The following CAPN9 variants were observed in gnomAD, a reference collection of about 807,000 sequenced individuals.
The protein encoded by CAPN9 is calpain-9.
A neutral mutation model predicts 92.8 loss-of-function variants in CAPN9; 81 were observed. The ratio of observed to expected loss-of-function variants is 0.87; its 90% CI spans 0.73 to 1.05. CAPN9 has a LOEUF of 1.05. Among genes scored for constraint, CAPN9 ranks in the 50% least tolerant of loss-of-function variants. CAPN9 has a pLI of 0.00. For missense variants in CAPN9, 848 were observed against 866.2 expected, an observed-to-expected ratio of 0.98 and a Z score of 0.26; for synonymous variants, 304 against 328.0, an observed-to-expected ratio of 0.93 and a Z score of 0.79.
intron 17 of CAPN9, among the ~76,000 whole-genome samples, chr1:230,794,890 C>A (rs1668246481): frequency 6.6e-6 from 1 of 152,198 alleles, no homozygotes; most frequent in South Asian, 2.1e-4. Context: ...ATTAAGATCA[C>A]AAACTCGCTA....
At chr1:230,779,226 C>G (rs1667045292) in intron 9 of CAPN9, 93 bp downstream of exon 9, 4 of 1,195,594 alleles carry the variant, frequency 3.3e-6, no homozygotes, top group Non-Finnish European at 4.7e-6. Context: ...TCAGAGAAAG[C>G]CTGAAACATA....
intron 4 of CAPN9, among the ~76,000 whole-genome samples, chr1:230,765,522 G>A (rs1665931669): frequency 6.6e-6 from 1 of 152,058 alleles, no homozygotes; most frequent in African/African-American, 2.4e-5. Context: ...AGCCAGGCAT[G>A]GTGGTGCATG....
At chr1:230,800,295 AAAGAAAGAAAGG>A (rs879663405) in intron 19 of CAPN9, among the ~76,000 whole-genome samples, 4,210 of 100,140 alleles carry the variant, frequency 0.042, 336 homozygotes, top group Middle Eastern at 0.062. Context: ...AGAAAGAAAG[AAAGAAAGAAAGG>A]AAAAACAAGA....
Position 230,780,351 on chromosome 1 carries a change from C to CACCACACCACA in CAPN9, c.1272+17_1272+18insCACACCACAAC, listed in dbSNP as rs1667132213. 4 of 1,612,818 alleles carry CACCACACCACA rather than the reference C, an allele frequency of 2.5e-6. No homozygotes were observed. Among genetic ancestry groups the CACCACACCACA allele is most frequent in the Non-Finnish European group, 3.4e-6 (4 of 1,179,310 alleles). ...CCATTTATGAGGTAGGTGGGAACCA[C>CACCACACCACA]ACTGCATTTCAGAGTTCTCCATCTG... On this transcript the variant is annotated intron_variant, in intron 10 of 19. Transcript: ENST00000271971.
chr1:230,772,955 G>A (rs1021394338), intron 7 of CAPN9, among the ~76,000 whole-genome samples: 1 of 151,940 alleles, frequency 6.6e-6, no homozygotes, highest in Non-Finnish European at 1.5e-5. Context: ...TGCGTGGCAG[G>A]GCCTGCCTGA....
At chr1:230,797,820 C>T (rs920835251) in intron 18 of CAPN9, among the ~76,000 whole-genome samples, 2 of 152,178 alleles carry the variant, frequency 1.3e-5, no homozygotes, top group Non-Finnish European at 1.5e-5. Context: ...ACTTTACGTG[C>T]GTGTGCTTTT....
intron 8 of CAPN9, among the ~76,000 whole-genome samples, chr1:230,778,540 T>G (rs1178515960): frequency 6.6e-6 from 1 of 152,214 alleles, no homozygotes; most frequent in African/African-American, 2.4e-5. Flanking sequence ...CCTGGTGTTC[T>G]GTGAGCACCT....
At position 230,800,876 on chromosome 1, in the gene CAPN9, G is replaced by A. The variant is rs139084957; in HGVS notation, c.2047-694G>A. Among the ~76,000 whole-genome samples, 4 of 152,278 alleles carry A rather than the reference G, an allele frequency of 2.6e-5. No individual in the cohort carries two copies. In the East Asian group the frequency reaches 7.7e-4, roughly 29 times the overall value. ...CCCTGACCCATCCTAGGAAGCAACAGGAGATTTTCCTGGCTGAGTTGGCCT... is the reference window on the plus strand; with the variant it reads ...CCCTGACCCATCCTAGGAAGCAACAAGAGATTTTCCTGGCTGAGTTGGCCT... On this transcript the variant is annotated intron_variant, in intron 19 of 19. Coordinates refer to ENST00000271971, the MANE Select transcript of CAPN9 (RefSeq NM_006615.3).
chr1:230,792,738 C>A, intron 16 of CAPN9, 112 bp from the exon 17 acceptor site: 1 of 912,954 alleles, frequency 1.1e-6, no homozygotes, highest in Non-Finnish European at 1.7e-6. Flanking sequence ...CAACTGTGGC[C>A]TCTGCGGCCC....
At chr1:230,756,483 A>C (rs939189868) in intron 2 of CAPN9, among the ~76,000 whole-genome samples, 5 of 152,234 alleles carry the variant, frequency 3.3e-5, no homozygotes, top group Admixed American at 6.5e-5. Context: ...ATGGTAGTAA[A>C]TAATGATAGG....
At chr1:230,756,537 G>A (rs1665238637) in intron 2 of CAPN9, among the ~76,000 whole-genome samples, 1 of 152,198 alleles carries the variant, frequency 6.6e-6, no homozygotes. Context: ...ATAGATAGAT[G>A]ATGGATGATA....
chr1:230,783,298 T>C (rs1558109038), intron 11 of CAPN9, among the ~76,000 whole-genome samples: 1 of 152,244 alleles, frequency 6.6e-6, no homozygotes, highest in Admixed American at 6.5e-5. Context: ...GTTTCATAAA[T>C]CCAGAATTCA....
At chr1:230,795,358 T>C in intron 18 of CAPN9, 79 bp downstream of exon 18, 1 of 827,604 alleles carries the variant, frequency 1.2e-6, no homozygotes, top group Admixed American at 1.9e-5. Flanking sequence ...AGAAACAGCC[T>C]GGTTAAAGTA....
At position 230,747,673 on chromosome 1, in the gene CAPN9, G is replaced by C. The variant is rs1240431740; in HGVS notation, c.177G>C (p.Glu59Asp). ...PASNSSLFYSERPQIPFVWKR... is the reference protein window; with the variant it reads ...PASNSSLFYSDRPQIPFVWKR... The stretch of plus-strand genomic sequence containing the variant: ...GCAATTCCTCCCTGTTCTACAGTGA[G>C]AGGCCGCAGATCCCCTTTGTGTGGA... Residue 59 changes from glutamate (E) to aspartate (D), a missense_variant, in exon 1 of 20, where the codon GAG (glutamate) becomes GAC (aspartate). By Grantham distance (45) the Glu-to-Asp change is conservative. Transcript: ENST00000271971. 10 of 1,614,082 alleles carry C rather than the reference G, an allele frequency of 6.2e-6. No homozygotes were observed. The highest frequency in any genetic ancestry group is 1.3e-5 in the African/African-American group (1 of 74,932).
chr1:230,753,943 C>G (rs887690290), intron 1 of CAPN9, among the ~76,000 whole-genome samples: 2 of 151,520 alleles, frequency 1.3e-5, no homozygotes, highest in Non-Finnish European at 2.9e-5. Context: ...CTTGCCCCAT[C>G]CCACCCCTTC....
chr1:230,768,447 C>A (rs1425121068), intron 5 of CAPN9, among the ~76,000 whole-genome samples: 1 of 152,066 alleles, frequency 6.6e-6, no homozygotes, highest in Non-Finnish European at 1.5e-5. Context: ...TCTCTATCTG[C>A]TCGTACAAAC....
intron 2 of CAPN9, among the ~76,000 whole-genome samples, chr1:230,758,483 C>T (rs1558086133): frequency 6.6e-6 from 1 of 152,198 alleles, no homozygotes; most frequent in Non-Finnish European, 1.5e-5. Flanking sequence ...TCCTTCTGTG[C>T]TCCAGCTAAG....
At chr1:230,778,708 G>T (rs1035978867) in intron 8 of CAPN9, among the ~76,000 whole-genome samples, 5 of 151,956 alleles carry the variant, frequency 3.3e-5, no homozygotes, top group African/African-American at 1.2e-4. Flanking sequence ...CCACCCCTAC[G>T]CTCCCATCCT....
rs1664498894 is a variant in CAPN9 at position 230,747,562 on chromosome 1, C to G, written c.66C>G (p.Thr22=). The G allele has an allele frequency of 6.2e-7, 1 of 1,614,218 alleles. No homozygotes were observed. The change falls in exon 1 of 20, where the codon ACC becomes ACG. Residue 22 remains threonine (T), a synonymous_variant. Coordinates refer to ENST00000271971, the MANE Select transcript of CAPN9 (RefSeq NM_006615.3). Reference sequence around the variant, plus strand: ...CGGTTCCCAAGGACGCCCGGATCACCCACTCCTCAGGCCAGAGCTTTGAGC... The same window carrying G: ...CGGTTCCCAAGGACGCCCGGATCACGCACTCCTCAGGCCAGAGCTTTGAGC... ...AHPVPKDARI[T]HSSGQSFEQM...
Sources: gnomAD v4.1 joint callset for allele counts (sites outside exome capture counted in the v4.1 genomes callset) on GRCh38, gnomAD v4.1.1 for gene constraint, MANE v1.5 for transcripts, NCBI Gene and HGNC (gene_info 2026-07-23, HGNC 2026-07-21) for gene names.